The following HACL1 variants were observed in gnomAD, a reference collection of about 807,000 sequenced individuals.
The protein encoded by HACL1 is 2-hydroxyacyl-CoA lyase 1, also known as 1600020H07Rik.
In HACL1, 64 loss-of-function variants were observed where a neutral mutation model predicts 74.2. The ratio of observed to expected loss-of-function variants is 0.86; its 90% confidence interval spans 0.70 to 1.06. The LOEUF is 1.06. Among genes scored for constraint, HACL1 ranks in the 50% least tolerant of loss-of-function variants. The probability of loss-of-function intolerance (pLI) is 0.00; values close to 1 mark genes in which losing one functional copy is unlikely to be tolerated. For synonymous variants in HACL1, 230 were observed against 238.8 expected (o/e 0.96, Z 0.34); for missense variants, 728 against 719.7 (o/e 1.01, Z -0.13).
intron 7 of HACL1, 37 bp from the exon 8 acceptor site, chr3:15,583,026 A>C (rs758639037): frequency 1.1e-6 from 1 of 951,146 alleles, no homozygotes; most frequent in South Asian, 1.4e-5. Flanking sequence ...AAAGAGGCCA[A>C]CTATGATCTT....
Position 15,562,149 on chromosome 3 carries a change from G to A in HACL1, c.1704+1209C>T, listed in dbSNP as rs546176838. On this transcript the variant is annotated intron_variant, in intron 16 of 16. Transcript: ENST00000321169. ...AGATGAAAAAGCCTGTCTATTGAGT[G>A]TCTGACTAGCATAAATCATTTTAAA... Among the ~76,000 whole-genome samples the A allele has an allele frequency of 2.0e-5, 3 of 152,294 alleles. No individual in the cohort carries two copies. In the East Asian group the frequency reaches 5.8e-4, roughly 29 times the overall value.
rs2063578042 is a variant in HACL1 at position 15,573,902 on chromosome 3, T to C, written c.910-660A>G. 1.3e-5 allele frequency among the ~76,000 whole-genome samples: 2 copies of C among 152,338 alleles called. 1 individual carries two copies. Among genetic ancestry groups the C allele is most frequent in the South Asian group, 4.1e-4 (2 of 4,824 alleles). On this transcript the variant is annotated intron_variant, in intron 10 of 16. Transcript: ENST00000321169. Reference sequence around the variant, plus strand: ...CCACCCCAAAGGGGATGTATCTCATTCTATAATCAAGAGGGCAATCAAGAG... The same window carrying C: ...CCACCCCAAAGGGGATGTATCTCATCCTATAATCAAGAGGGCAATCAAGAG...
chr3:15,587,820 T>C (rs2063820225), intron 5 of HACL1, among the ~76,000 whole-genome samples: 1 of 152,222 alleles, frequency 6.6e-6, no homozygotes, highest in Non-Finnish European at 1.5e-5. Flanking sequence ...TAGTTTATCA[T>C]ATATGAAATT....
chr3:15,579,674 GA>G (rs757474948), intron 9 of HACL1, among the ~76,000 whole-genome samples: 24 of 151,944 alleles, frequency 1.6e-4, no homozygotes, highest in Non-Finnish European at 2.5e-4. Context: ...AAAGACAAAG[GA>G]AAATCTTGGG....
In HACL1 at chr3:15,591,055, T is replaced by C. The variant is rs572322683; in HGVS notation, c.308+545A>G. 3.1e-4 allele frequency among the ~76,000 whole-genome samples: 47 copies of C among 152,344 alleles called. No homozygotes were observed. The East Asian group carries it at 9.0e-3, about 29-fold the overall frequency. Reference sequence around the variant, plus strand: ...AAGATTGCACCACTGCACTCCAGCCTGGGCGACAGAGAGACTCCGTCTCAA... The same window carrying C: ...AAGATTGCACCACTGCACTCCAGCCCGGGCGACAGAGAGACTCCGTCTCAA... On this transcript the variant is annotated intron_variant, in intron 4 of 16. Transcript: ENST00000321169.
chr3:15,582,914 A>C lies in HACL1; in HGVS notation c.630T>G (p.Ile210Met). ...TSAVCTAASV[I>M]RNAKQPLLII... ...TAAGAAGGGGTTGTTTGGCATTCCT[A>C]ATAACAGAAGCCGCCGTGCACACAG... Residue 210 changes from isoleucine (I) to methionine (M), a missense_variant, in exon 8 of 17, where the codon ATT becomes ATG. Physicochemically the swap from Ile to Met is conservative, Grantham distance 10. Transcript: ENST00000321169. 1 of 1,609,728 alleles carries C rather than the reference A, an allele frequency of 6.2e-7. No individual in the cohort carries two copies. The highest frequency in any genetic ancestry group is 8.5e-7 in the Non-Finnish European group (1 of 1,176,172).
At position 15,571,718 on chromosome 3, in the gene HACL1, A is replaced by G; in HGVS notation, c.1045T>C (p.Trp349Arg). Residue 349 changes from tryptophan (W) to arginine (R), a missense_variant, in exon 12 of 17, where the codon TGG becomes CGG. Transcript: ENST00000321169. Reference sequence around the variant, plus strand: ...ATTTTTTCTCTCAGAGTTTTCCACCACTTGCTCTCTGGAGGATACTGCCAT... The same window carrying G: ...ATTTTTTCTCTCAGAGTTTTCCACCGCTTGCTCTCTGGAGGATACTGCCAT... ...TPWQYPPESK[W>R]WKTLREKMKS... The G allele has an allele frequency of 6.5e-7, 1 of 1,533,652 alleles. No individual in the cohort carries two copies. Among genetic ancestry groups the G allele is most frequent in the Non-Finnish European group, 8.9e-7 (1 of 1,121,004 alleles).
chr3:15,564,655 GT>G lies in HACL1; in HGVS notation c.1412del (p.Tyr471SerfsTer9). ...CTACCAACAGTATGATTGGCAAGTT[GT>G]ACCTAAAGTGAGAGTAAAATATGAA... ...SGMEVETICR[Y>X]NLPIILLVVN... On this transcript the variant is annotated frameshift_variant and splice_region_variant, in exon 15 of 17. Coordinates refer to ENST00000321169, the MANE Select transcript of HACL1 (RefSeq NM_012260.4). LOFTEE classifies it high-confidence loss of function. 7.4e-7 allele frequency: 1 copy of G among 1,349,254 alleles called. No individual in the cohort carries two copies. Among genetic ancestry groups the G allele is most frequent in the Non-Finnish European group, 1.1e-6 (1 of 951,724 alleles). 83.6% of individuals were successfully genotyped at this position (1,349,254 alleles called of 1,614,324 possible). A position where few individuals can be genotyped will look rare whatever the true frequency, so the allele number is the denominator to read the frequency against.
Position 15,563,358 on chromosome 3 carries a change from C to G in HACL1, c.1704G>C (p.Gln568His). Residue 568 changes from glutamine (Q) to histidine (H), a missense_variant and splice_region_variant, in exon 16 of 17, where the codon CAG becomes CAC. Gln to His is a conservative substitution (Grantham distance 24). Coordinates refer to ENST00000321169, the MANE Select transcript of HACL1 (RefSeq NM_012260.4). ...MIEPQATRKAQDFHWLTRSNM is the reference protein window; with the variant it reads ...MIEPQATRKAHDFHWLTRSNM ...CTTTCTGCTTAGCAACTGTATTTAC[C>G]TGGGCCTTCCGTGTGGCTTGTGGCT... 2.5e-6 allele frequency: 4 copies of G among 1,608,940 alleles called. No homozygotes were observed. Among genetic ancestry groups the G allele is most frequent in the Non-Finnish European group, 3.4e-6 (4 of 1,175,968 alleles).
At chr3:15,593,331 A>G (rs1489273992) in intron 3 of HACL1, among the ~76,000 whole-genome samples, 2 of 151,748 alleles carry the variant, frequency 1.3e-5, no homozygotes, top group African/African-American at 4.8e-5. Context: ...TTCCCACCAC[A>G]GCCTCCCAAG....
intron 12 of HACL1, among the ~76,000 whole-genome samples, chr3:15,571,238 G>A (rs752747803): frequency 2.0e-5 from 3 of 151,760 alleles, no homozygotes; most frequent in Admixed American, 6.6e-5. Flanking sequence ...GCCTCCTAAA[G>A]CACTAGGATT....
At chr3:15,565,929 A>C (rs140929146) in intron 14 of HACL1, among the ~76,000 whole-genome samples, 46 of 152,368 alleles carry the variant, frequency 3.0e-4, no homozygotes, top group African/African-American at 1.1e-3. Flanking sequence ...ACAATTATTT[A>C]TATAGCATTC....
chr3:15,586,156 T>C (rs142246692), intron 6 of HACL1, among the ~76,000 whole-genome samples: 1,722 of 152,290 alleles, frequency 0.011, 16 homozygotes, highest in Non-Finnish European at 0.018. Context: ...ATTAATTAAC[T>C]AACGGAGGGT....
intron 5 of HACL1, 90 bp downstream of exon 5, chr3:15,589,450 T>C (rs1425901455): frequency 2.6e-6 from 2 of 766,162 alleles, no homozygotes; most frequent in African/African-American, 1.8e-5. Flanking sequence ...TGAGCTGAGA[T>C]GGCACCACTG....
chr3:15,563,091 G>A (rs1240472618), intron 16 of HACL1, among the ~76,000 whole-genome samples: 3 of 152,154 alleles, frequency 2.0e-5, no homozygotes, highest in Non-Finnish European at 2.9e-5. Context: ...TCAGTTGTGA[G>A]GTTACCAGAC....
In HACL1 at chr3:15,573,201, G is replaced by A. The variant is rs141990933; in HGVS notation, c.951C>T (p.Pro317=). The A allele has an allele frequency of 2.4e-5, 39 of 1,610,804 alleles. No individual in the cohort carries two copies. The highest frequency in any genetic ancestry group is 3.3e-4 in the Middle Eastern group (2 of 6,052). The change falls in exon 11 of 17, where the codon CCC becomes CCT. Residue 317 remains proline, a synonymous_variant. Transcript: ENST00000321169. The part of the protein sequence containing the change: ...CAEELGNNVK[P]AVTLLGNIHA... ...GTATGTTTCCTAGCAAAGTAACAGC[G>A]GGCTTTACATTATTCCCCAATTCTT...
chr3:15,565,065 T>G (rs939058441), intron 14 of HACL1, among the ~76,000 whole-genome samples: 5 of 151,724 alleles, frequency 3.3e-5, no homozygotes, highest in African/African-American at 1.2e-4. Context: ...CTCGGGAGGC[T>G]GAGGCAGAAG....
intron 9 of HACL1, among the ~76,000 whole-genome samples, chr3:15,577,053 ACTT>A (rs2063638564): frequency 6.6e-6 from 1 of 152,226 alleles, no homozygotes; most frequent in Non-Finnish European, 1.5e-5. Flanking sequence ...CTGAAGATAA[ACTT>A]CATTTCAACC....
intron 3 of HACL1, among the ~76,000 whole-genome samples, chr3:15,592,475 T>C (rs974022174): frequency 1.8e-4 from 2 of 10,868 alleles, no homozygotes; most frequent in African/African-American, 2.6e-3. Flanking sequence ...TACACACACG[T>C]ATACATACAC....
Sources: gnomAD v4.1 joint callset for allele counts (sites outside exome capture counted in the v4.1 genomes callset) on GRCh38, gnomAD v4.1.1 for gene constraint, MANE v1.5 for transcripts, NCBI Gene and HGNC (gene_info 2026-07-23, HGNC 2026-07-21) for gene names.